Variants in DOK7 observed in about 807,000 individuals in gnomAD.
DOK7 encodes the protein docking protein 7, also known as protein Dok-7.
DOK7 carries 32 observed loss-of-function variants against 30.7 expected under a neutral mutation model. That is an observed-to-expected ratio of 1.04 (90% CI 0.79 to 1.40). The LOEUF (loss-of-function observed/expected upper bound fraction) is 1.40, where lower values mean the gene tolerates loss of function less well. Among genes scored for constraint, DOK7 ranks in the 40% most tolerant of loss-of-function variants. The probability of loss-of-function intolerance (pLI) is 0.00; values close to 1 mark genes in which losing one functional copy is unlikely to be tolerated. For missense variants in DOK7, 1,007 were observed against 699.2 expected, an observed-to-expected ratio of 1.44 and a Z score of -4.97; for synonymous variants, 447 against 324.1, an observed-to-expected ratio of 1.38 and a Z score of -4.07.
At chr4:3,475,950 G>GC (rs746680089) in intron 3 of DOK7, among the ~76,000 whole-genome samples, 14 of 152,060 alleles carry the variant, frequency 9.2e-5, no homozygotes, top group Non-Finnish European at 1.9e-4. Context: ...GAGAAGTGCA[G>GC]CCCCCAGGCC....
Position 3,492,877 on chromosome 4 carries a change from G to C in DOK7, c.891G>C (p.Glu297Asp), listed in dbSNP as rs1386024337. The C allele has an allele frequency of 6.2e-7, 1 of 1,603,590 alleles. No homozygotes were observed. The highest frequency in any genetic ancestry group is 1.1e-5 in the South Asian group (1 of 89,724). ...CGTCGTCAGCCAGCACGTCACAGGA[G>C]GGGCCTAGACCAGCAGCTGCCCAGG... ...QSSSSASTSQEGPRPAAAQAA... is the reference protein window; with the variant it reads ...QSSSSASTSQDGPRPAAAQAA... The change falls in exon 7 of 7, where the codon GAG becomes GAC. Residue 297 changes from glutamate (E) to aspartate (D), a missense_variant. Physicochemically the swap from Glu to Asp is conservative, Grantham distance 45. Coordinates refer to ENST00000340083, the MANE Select transcript of DOK7 (RefSeq NM_173660.5).
In DOK7 at chr4:3,492,758, G is replaced by C. The variant is rs1268475752; in HGVS notation, c.773-1G>C. On this transcript the variant is annotated splice_acceptor_variant, in intron 6 of 6. Coordinates refer to ENST00000340083, the MANE Select transcript of DOK7 (RefSeq NM_173660.5). LOFTEE classifies it high-confidence loss of function. ...TGCCTTGGCTTCCTGCTCTGTCTCA[G>C]GGGATGACCGCAGCCTGTCCAGCTC... The C allele has an allele frequency of 6.2e-7, 1 of 1,612,414 alleles. No homozygotes were observed. The highest frequency in any genetic ancestry group is 8.5e-7 in the Non-Finnish European group (1 of 1,179,974).
Position 3,476,530 on chromosome 4 carries a change from A to G in DOK7, c.520A>G (p.Arg174Gly). 1 of 1,613,874 alleles carries G rather than the reference A, an allele frequency of 6.2e-7. No homozygotes were observed. The highest frequency in any genetic ancestry group is 8.5e-7 in the Non-Finnish European group (1 of 1,180,030). ...PSGFIFEGGTRCGYWAGVFFL... is the reference protein window; with the variant it reads ...PSGFIFEGGTGCGYWAGVFFL... ...CGGATTCATCTTTGAAGGCGGGACC[A>G]GGTGTGGGTACTGTAAGTACGGATG... Residue 174 changes from arginine (R) to glycine (G), a missense_variant, in exon 4 of 7, where the codon AGG becomes GGG. By Grantham distance (125) the Arg-to-Gly change is moderately radical (BLOSUM62 -2). Transcript: ENST00000340083.
rs558100100 is a variant in DOK7 at position 3,499,962 on chromosome 4, G to C, written c.1109-289G>C. ...AAGAGTGGGCCTTGGGGGGCCCATG[G>C]GGGGGTCGGCAATTCCTGCAGGGGA... On this transcript the variant is annotated intron_variant, in intron 6 of 7. Transcript: ENST00000643608. 2.1e-4 allele frequency among the ~76,000 whole-genome samples: 32 copies of C among 151,970 alleles called. No individual in the cohort carries two copies. The East Asian group carries it at 4.9e-3, about 23-fold the overall frequency.
At chr4:3,487,574 T>C (rs1222984972) in intron 5 of DOK7, among the ~76,000 whole-genome samples, 1 of 152,086 alleles carries the variant, frequency 6.6e-6, no homozygotes, top group Non-Finnish European at 1.5e-5. Flanking sequence ...AGGTCTGGGG[T>C]CCACCATGCT....
At chr4:3,499,184 C>T (rs1378602566), downstream of DOK7, among the ~76,000 whole-genome samples, 1 of 152,218 alleles carries the variant, frequency 6.6e-6, no homozygotes, top group African/African-American at 2.4e-5. Flanking sequence ...GGCCCCTCCC[C>T]TGGACAGGCA....
chr4:3,473,614 G>C lies in DOK7; in HGVS notation c.309G>C (p.Arg103=). The stretch of plus-strand genomic sequence containing the variant: ...AGGCCATGTGTGCGTGGGATGCCCG[G>C]ATCCGCTATGCGCTCGGCGAGGGTG... ...SHEAMCAWDA[R]IRYALGEVHR... Residue 103 remains arginine, a synonymous_variant, in exon 3 of 7, where the codon CGG becomes CGC. Transcript: ENST00000340083. 6.3e-7 allele frequency: 1 copy of C among 1,593,942 alleles called. No individual in the cohort carries two copies. The highest frequency in any genetic ancestry group is 8.6e-7 in the Non-Finnish European group (1 of 1,169,196).
Position 3,493,990 on chromosome 4 carries a change from C to A in DOK7, c.*489C>A. ...TCCGGCCACCTGGGCTCCACCAGCC[C>A]AGCCCCCCTGGGCTCCGTGTGCGCT... is the stretch of plus-strand genomic sequence containing the variant. On this transcript the variant is annotated 3_prime_UTR_variant, in exon 7 of 7. Transcript: ENST00000340083. 1 of 973,802 alleles carries A rather than the reference C, an allele frequency of 1.0e-6. No homozygotes were observed. The highest frequency in any genetic ancestry group is 4.9e-5 in the South Asian group (1 of 20,262). 60.3% of individuals were successfully genotyped at this position (973,802 alleles called of 1,614,324 possible). A position where few individuals can be genotyped will look rare whatever the true frequency, so the allele number is the denominator to read the frequency against.
chr4:3,493,124 G>T lies in DOK7; in HGVS notation c.1138G>T (p.Ala380Ser), dbSNP rs760412846. 7 of 1,591,984 alleles carry T rather than the reference G, an allele frequency of 4.4e-6. No homozygotes were observed. The African/African-American group carries it at 8.0e-5, about 18-fold the overall frequency. Residue 380 changes from alanine to serine, a missense_variant, in exon 7 of 7, where the codon GCC (alanine) becomes TCC (serine). Transcript: ENST00000340083. ...GSLLSLPAAG[A>S]PEPSLCTCLP... The stretch of plus-strand genomic sequence containing the variant: ...ACTGCTCAGCCTGCCAGCAGCGGGG[G>T]CCCCCGAGCCCAGCCTGTGCACCTG...
At chr4:3,489,606 G>T in intron 5 of DOK7, 71 bp from the exon 6 acceptor site, 1 of 1,550,242 alleles carries the variant, frequency 6.5e-7, no homozygotes. Flanking sequence ...GAGTCAGGCT[G>T]GGCCTGGTGC....
At chr4:3,498,042 G>T (rs889980636), downstream of DOK7, among the ~76,000 whole-genome samples, 1 of 152,288 alleles carries the variant, frequency 6.6e-6, no homozygotes, top group African/African-American at 2.4e-5. Flanking sequence ...CACAGAGGCC[G>T]GGGGCTCAGG....
At chr4:3,463,959 C>T (rs62275879) in intron 2 of DOK7, among the ~76,000 whole-genome samples, 4,127 of 152,282 alleles carry the variant, frequency 0.027, 82 homozygotes, top group Non-Finnish European at 0.038. Context: ...GACCCTGGAC[C>T]CCTCCCAGGC....
chr4:3,465,935 G>T (rs1055783173), intron 2 of DOK7, among the ~76,000 whole-genome samples: 1 of 152,188 alleles, frequency 6.6e-6, no homozygotes, highest in African/African-American at 2.4e-5. Context: ...TCCCAGGTGC[G>T]GGGGCTGGGG....
At position 3,470,815 on chromosome 4, in the gene DOK7, G is replaced by A. The variant is rs1391758865; in HGVS notation, c.101-2591G>A. 2.6e-5 allele frequency among the ~76,000 whole-genome samples: 4 copies of A among 152,244 alleles called. No homozygotes were observed. In the East Asian group the frequency reaches 7.7e-4, roughly 29 times the overall value. On this transcript the variant is annotated intron_variant, in intron 2 of 6. Transcript: ENST00000340083. ...GTGACGTCGGGCTCTTTACAGGCAAGCTCCTGACCCCAGTCCTGACTGTAT... is the reference window on the plus strand; with the variant it reads ...GTGACGTCGGGCTCTTTACAGGCAAACTCCTGACCCCAGTCCTGACTGTAT...
In DOK7 at chr4:3,476,326, C is replaced by G. The variant is rs1298769462; in HGVS notation, c.332-16C>G. The G allele has an allele frequency of 6.7e-7, 1 of 1,499,894 alleles. No homozygotes were observed. Among genetic ancestry groups the G allele is most frequent in the Non-Finnish European group, 9.0e-7 (1 of 1,113,056 alleles). The allele number at this position is 1,499,894 out of a possible 1,614,324, so 92.9% of individuals were successfully genotyped here. On this transcript the variant is annotated splice_polypyrimidine_tract_variant and intron_variant, in intron 3 of 6. Transcript: ENST00000340083. ...CCTGCCCGCCCGTGATGCCCTCTTGCCCCGCCTGCCCGCAGTGCATAGGTT... is the reference window on the plus strand; with the variant it reads ...CCTGCCCGCCCGTGATGCCCTCTTGGCCCGCCTGCCCGCAGTGCATAGGTT...
At position 3,493,641 on chromosome 4, in the gene DOK7, A is replaced by G; in HGVS notation, c.*140A>G. 6.8e-7 allele frequency: 1 copy of G among 1,475,844 alleles called. No homozygotes were observed. Among genetic ancestry groups the G allele is most frequent in the Non-Finnish European group, 9.0e-7 (1 of 1,111,302 alleles). 91.4% of individuals were successfully genotyped at this position (1,475,844 alleles called of 1,614,324 possible). ...GGGGTCTCCCGGAGAGGGGAGCTGG[A>G]GGGCGCGCCCTGTGGCTGCCACCGG... is the stretch of plus-strand genomic sequence containing the variant. On this transcript the variant is annotated 3_prime_UTR_variant, in exon 7 of 7. Transcript: ENST00000340083.
At chr4:3,480,748 T>C (rs1727395537) in intron 4 of DOK7, among the ~76,000 whole-genome samples, 1 of 152,394 alleles carries the variant, frequency 6.6e-6, no homozygotes, top group Non-Finnish European at 1.5e-5. Context: ...CAGAGCTGGC[T>C]GGAACCCTGG....
At chr4:3,492,433 G>GTGTT (rs1457221023) in intron 6 of DOK7, among the ~76,000 whole-genome samples, 8 of 149,348 alleles carry the variant, frequency 5.4e-5, no homozygotes, top group Non-Finnish European at 1.5e-5. Flanking sequence ...GGAGCGTGGG[G>GTGTT]TGTTAGGCAG....
Position 3,493,723 on chromosome 4 carries a change from A to G in DOK7, c.*222A>G, listed in dbSNP as rs1342899281. Reference sequence around the variant, plus strand: ...GGAAGGCAGGGGCTCTGGGTCCGGCAGGTCGGGGTCACCAGAGCCCCAATG... The same window carrying G: ...GGAAGGCAGGGGCTCTGGGTCCGGCGGGTCGGGGTCACCAGAGCCCCAATG... On this transcript the variant is annotated 3_prime_UTR_variant, in exon 7 of 7. Transcript: ENST00000340083. The G allele has an allele frequency of 2.5e-5, 36 of 1,423,852 alleles. No homozygotes were observed. The highest frequency in any genetic ancestry group is 3.1e-5 in the Non-Finnish European group (34 of 1,093,186). The allele number at this position is 1,423,852 out of a possible 1,614,324, so 88.2% of individuals were successfully genotyped here.
Sources: gnomAD v4.1 joint callset for allele counts (sites outside exome capture counted in the v4.1 genomes callset) on GRCh38, gnomAD v4.1.1 for gene constraint, MANE v1.5 for transcripts, NCBI Gene and HGNC (gene_info 2026-07-23, HGNC 2026-07-21) for gene names.